Variants in PKN2 observed in about 807,000 individuals in gnomAD.
PKN2 encodes the protein protein kinase N2, also known as serine/threonine-protein kinase N2.
In PKN2, 38 loss-of-function variants were observed where a neutral mutation model predicts 119.1. The ratio of observed to expected loss-of-function variants is 0.32; its 90% CI spans 0.25 to 0.42. The LOEUF (loss-of-function observed/expected upper bound fraction) is 0.42. Among genes scored for constraint, PKN2 ranks in the 10% least tolerant of loss-of-function variants. The probability of loss-of-function intolerance (pLI) is 1.00; values close to 1 mark genes in which losing one functional copy is unlikely to be tolerated. For synonymous variants in PKN2, 390 were observed against 384.9 expected (o/e 1.01, Z -0.15); for missense variants, 850 against 1,165.1 (o/e 0.73, Z 3.94).
chr1:88,828,703 T>C lies in PKN2; in HGVS notation c.2562+80T>C, dbSNP rs1267284786. On this transcript the variant is annotated intron_variant, in intron 19 of 21. Transcript: ENST00000370521. ...GCATGTCATTTATAAAACCACCTAA[T>C]ACTGTCTTCAGTATGAGTGGAATTT... 9.2e-6 allele frequency: 11 copies of C among 1,193,714 alleles called. No individual in the cohort carries two copies. In the Admixed American group the frequency reaches 2.3e-4, roughly 25 times the overall value. The allele number at this position is 1,193,714 out of a possible 1,614,324, so 73.9% of individuals were successfully genotyped here. A position where few individuals can be genotyped will look rare whatever the true frequency, so the allele number is the denominator to read the frequency against.
intron 3 of PKN2, among the ~76,000 whole-genome samples, chr1:88,760,856 A>G (rs1428069854): frequency 6.6e-6 from 1 of 152,158 alleles, no homozygotes; most frequent in Non-Finnish European, 1.5e-5. Context: ...AAAAAATTTT[A>G]CCTTATGGGT....
rs1339550908 is a variant in PKN2 at position 88,835,430 on chromosome 1, GAC to G, written c.*1984_*1985del. 1 of 152,190 alleles carries G rather than the reference GAC, an allele frequency of 6.6e-6. No homozygotes were observed. Among genetic ancestry groups the G allele is most frequent in the African/African-American group, 2.4e-5 (1 of 41,320 alleles). 9.4% of individuals were successfully genotyped at this position (152,190 alleles called of 1,614,324 possible). On this transcript the variant is annotated 3_prime_UTR_variant, in exon 22 of 22. Coordinates refer to ENST00000370521, the MANE Select transcript of PKN2 (RefSeq NM_006256.4). ...AAATAGGCTCTTAGCATTAAAAACT[GAC>G]AGCATTTCGTAACTACACAGTGTAC...
intron 1 of PKN2, among the ~76,000 whole-genome samples, chr1:88,738,630 G>A (rs1392237674): frequency 6.6e-6 from 1 of 152,306 alleles, no homozygotes; most frequent in East Asian, 1.9e-4. Context: ...GAGAAATAAG[G>A]AATAATTTCC....
At chr1:88,721,308 A>G (rs1008614711) in intron 1 of PKN2, among the ~76,000 whole-genome samples, 1 of 152,116 alleles carries the variant, frequency 6.6e-6, no homozygotes, top group African/African-American at 2.4e-5. Context: ...TTTTAAAATT[A>G]TGGCCATTCT....
rs780109890 is a variant in PKN2, at chr1:88,804,856, T to C, written c.1436T>C (p.Phe479Ser). 3.6e-5 allele frequency: 57 copies of C among 1,567,534 alleles called. No homozygotes were observed. The highest frequency in any genetic ancestry group is 3.9e-5 in the Non-Finnish European group (45 of 1,147,080). Residue 479 changes from phenylalanine (F) to serine (S), a missense_variant, in exon 10 of 22, where the codon TTT (phenylalanine) becomes TCT (serine). Transcript: ENST00000370521. ...QGTLFAEVTF[F>S]NPVIERRPKL... ...TTTTCTTCACTGCAGGTTACCTTTT[T>C]TAATCCAGTTATTGAAAGAAGACCA...
At position 88,741,082 on chromosome 1, in the gene PKN2, T is replaced by C; in HGVS notation, c.143T>C (p.Ile48Thr). The stretch of plus-strand genomic sequence containing the variant: ...ATGGTGCAGCAGAAATTGGATGATA[T>C]CAAGGATCGAATTAAGAGAGAAATA... ...DTMVQQKLDD[I>T]KDRIKREIRK... Residue 48 changes from isoleucine to threonine, a missense_variant, in exon 2 of 22, where the codon ATC becomes ACC. Ile to Thr is a moderately conservative substitution (Grantham distance 89). Around this residue, in one of 9 missense-constraint regions of PKN2, gnomAD observed 73 missense variants for 61.2 expected, o/e 1.19. Coordinates refer to ENST00000370521, the MANE Select transcript of PKN2 (RefSeq NM_006256.4). 1.2e-6 allele frequency: 2 copies of C among 1,610,384 alleles called. No individual in the cohort carries two copies.
chr1:88,715,162 C>G (rs167365), intron 1 of PKN2, among the ~76,000 whole-genome samples: 108,528 of 152,102 alleles, frequency 0.71, 39,740 homozygotes, highest in African/African-American at 0.88. Flanking sequence ...ATGTGCTGCT[C>G]AGTTCGGTTT....
chr1:88,787,047 A>G (rs1670608366), intron 8 of PKN2, among the ~76,000 whole-genome samples: 1 of 151,746 alleles, frequency 6.6e-6, no homozygotes, highest in Non-Finnish European at 1.5e-5. Flanking sequence ...TGCAGTCTCT[A>G]AAGTGGAGGT....
intron 3 of PKN2, among the ~76,000 whole-genome samples, chr1:88,764,319 T>C (rs553233400): frequency 6.6e-6 from 1 of 152,346 alleles, no homozygotes; most frequent in African/African-American, 2.4e-5. Flanking sequence ...TCTACTTGGA[T>C]GCTACCACCT....
At chr1:88,784,019 A>G (rs567334750) in intron 6 of PKN2, among the ~76,000 whole-genome samples, 1 of 151,708 alleles carries the variant, frequency 6.6e-6, no homozygotes, top group East Asian at 1.9e-4. Flanking sequence ...GTGCCATTTT[A>G]GTGGCATATT....
At chr1:88,813,101 C>G (rs527703618) in intron 15 of PKN2, among the ~76,000 whole-genome samples, 1 of 152,026 alleles carries the variant, frequency 6.6e-6, no homozygotes, top group Non-Finnish European at 1.5e-5. Flanking sequence ...CTGTACTGTT[C>G]AACTTCATAT....
chr1:88,833,170 A>C lies in PKN2; in HGVS notation c.2751+13A>C. On this transcript the variant is annotated intron_variant, in intron 21 of 21. Transcript: ENST00000370521. ...CCCATTTTTCCGGGTAAGTGTGACT[A>C]TTTAAAATTTTTTATGAAACTAGAG... 2 of 1,611,452 alleles carry C rather than the reference A, an allele frequency of 1.2e-6. No individual in the cohort carries two copies.
chr1:88,724,304 A>G (rs566878037), intron 1 of PKN2, among the ~76,000 whole-genome samples: 1 of 152,206 alleles, frequency 6.6e-6, no homozygotes, highest in African/African-American at 2.4e-5. Flanking sequence ...TTAGTTCCAC[A>G]GTATGATTTG....
At chr1:88,807,862 G>T in intron 15 of PKN2, 87 bp downstream of exon 15, 1 of 719,682 alleles carries the variant, frequency 1.4e-6, no homozygotes, top group South Asian at 1.9e-5. Context: ...AAAACTTTAT[G>T]ATTTTACAGT....
At chr1:88,830,792 A>C (rs1672695890) in intron 19 of PKN2, among the ~76,000 whole-genome samples, 1 of 152,110 alleles carries the variant, frequency 6.6e-6, no homozygotes, top group Non-Finnish European at 1.5e-5. Flanking sequence ...TGTTTCTTGC[A>C]ATTTCTCTTT....
chr1:88,721,336 G>A (rs948754700), intron 1 of PKN2, among the ~76,000 whole-genome samples: 2 of 152,050 alleles, frequency 1.3e-5, no homozygotes, highest in African/African-American at 4.8e-5. Context: ...ATGGCCTTGT[G>A]TAAGGTGGTA....
At chr1:88,718,749 A>G (rs1285149087) in intron 1 of PKN2, among the ~76,000 whole-genome samples, 1 of 152,152 alleles carries the variant, frequency 6.6e-6, no homozygotes, top group East Asian at 1.9e-4. Context: ...GCAGCCTTTC[A>G]CAATTACTTC....
chr1:88,700,546 G>A (rs1666730966), intron 1 of PKN2, among the ~76,000 whole-genome samples: 1 of 152,132 alleles, frequency 6.6e-6, no homozygotes, highest in African/African-American at 2.4e-5. Flanking sequence ...AAACACAGAA[G>A]AATGAGACAG....
At chr1:88,748,629 A>G (rs1465230633) in intron 2 of PKN2, among the ~76,000 whole-genome samples, 4 of 152,180 alleles carry the variant, frequency 2.6e-5, no homozygotes, top group East Asian at 1.9e-4. Flanking sequence ...ATGTGGTAAC[A>G]TATGTTTAAC....
Sources: gnomAD v4.1 joint callset for allele counts (sites outside exome capture counted in the v4.1 genomes callset) on GRCh38, gnomAD v4.1.1 for gene constraint, gnomAD v4.1.1 regional missense constraint, MANE v1.5 for transcripts, NCBI Gene and HGNC (gene_info 2026-07-23, HGNC 2026-07-21) for gene names.